CCDC88C: variants seen among roughly 807,000 people sequenced by gnomAD.
CCDC88C encodes the protein coiled-coil and HOOK domain protein 88C, also known as protein Daple.
CCDC88C carries 131 observed loss-of-function variants against 198.8 expected under a neutral mutation model. The observed-to-expected ratio is 0.66, with a 90% CI of 0.57 to 0.76. The LOEUF is 0.76. CCDC88C is among the 30% of genes least tolerant of loss of function. The pLI is 0.00. For missense variants in CCDC88C, 2,553 were observed against 2,631.6 expected, an observed-to-expected ratio of 0.97 and a Z score of 0.65; for synonymous variants, 1,166 against 1,114.7, an observed-to-expected ratio of 1.05 and a Z score of -0.92.
intron 4 of CCDC88C, among the ~76,000 whole-genome samples, chr14:91,353,389 C>T (rs746716139): frequency 8.5e-5 from 13 of 152,214 alleles, no homozygotes; most frequent in Non-Finnish European, 1.8e-4. Context: ...ATCTTCTGTC[C>T]TAGAATAAAT....
intron 3 of CCDC88C, among the ~76,000 whole-genome samples, chr14:91,404,697 C>T (rs963817685): frequency 6.6e-6 from 1 of 152,196 alleles, no homozygotes; most frequent in Non-Finnish European, 1.5e-5. Flanking sequence ...GGCGCGGTGG[C>T]TCACGCCTGT....
Position 91,315,659 on chromosome 14 carries a change from T to C in CCDC88C, c.1656A>G (p.Lys552=). ...TGGTGGAGGCACCTACCTGCCTGGCTTTGTCAGCCTTCAGGGTCTCCATGT... is the reference window on the plus strand; with the variant it reads ...TGGTGGAGGCACCTACCTGCCTGGCCTTGTCAGCCTTCAGGGTCTCCATGT... ...QSDMETLKAD[K]ARQIKDLEQE... The change falls in exon 14 of 30, where the codon AAA becomes AAG. Residue 552 remains lysine (K), a synonymous_variant. Transcript: ENST00000389857. 1 of 1,613,918 alleles carries C rather than the reference T, an allele frequency of 6.2e-7. No homozygotes were observed. The highest frequency in any genetic ancestry group is 8.5e-7 in the Non-Finnish European group (1 of 1,179,874).
chr14:91,408,782 A>T lies in CCDC88C; in HGVS notation c.162-15T>A. 2 of 1,569,964 alleles carry T rather than the reference A, an allele frequency of 1.3e-6. No homozygotes were observed. The highest frequency in any genetic ancestry group is 1.8e-6 in the Non-Finnish European group (2 of 1,140,220). On this transcript the variant is annotated splice_polypyrimidine_tract_variant and intron_variant, in intron 2 of 29. Transcript: ENST00000389857. ...GCCTGGGATCTCTAGGGGAAGAAACACGAGAATGGAAATTGCATCTCCCAG... is the reference window on the plus strand; with the variant it reads ...GCCTGGGATCTCTAGGGGAAGAAACTCGAGAATGGAAATTGCATCTCCCAG...
In CCDC88C at chr14:91,325,822, G is replaced by A; in HGVS notation, c.1197+88C>T. ...GCGCTCAAGGGATCCTCCCACCTTA[G>A]CCTCCCAAAGTGCTGGGATTACAGG... is the stretch of plus-strand genomic sequence containing the variant. On this transcript the variant is annotated intron_variant, in intron 11 of 29. Transcript: ENST00000389857. This position sits in a 1 kb window ranked among gnomAD's most constrained non-coding sequence, Gnocchi z 4.1. 1 of 1,339,408 alleles carries A rather than the reference G, an allele frequency of 7.5e-7. No individual in the cohort carries two copies. The allele number at this position is 1,339,408 out of a possible 1,614,324, so 83.0% of individuals were successfully genotyped here.
intron 29 of CCDC88C, among the ~76,000 whole-genome samples, chr14:91,275,818 C>CTT (rs34204634): frequency 0.37 from 30,472 of 82,238 alleles, 7,572 homozygotes; most frequent in South Asian, 0.42. Context: ...ACCAGTGGTT[C>CTT]TTTTTTTTTT....
At chr14:91,319,655 T>C (rs1282001411) in intron 13 of CCDC88C, among the ~76,000 whole-genome samples, 1 of 152,222 alleles carries the variant, frequency 6.6e-6, no homozygotes, top group African/African-American at 2.4e-5. Context: ...CTGCTCTCTT[T>C]TTATTGAGTG....
At chr14:91,344,037 T>A (rs1255640583) in intron 4 of CCDC88C, among the ~76,000 whole-genome samples, 1 of 152,068 alleles carries the variant, frequency 6.6e-6, no homozygotes, top group Non-Finnish European at 1.5e-5. Context: ...CCTAGGCTGG[T>A]CTCAAACTCC....
intron 4 of CCDC88C, among the ~76,000 whole-genome samples, chr14:91,347,476 C>T (rs188281663): frequency 6.6e-6 from 1 of 152,192 alleles, no homozygotes; most frequent in African/African-American, 2.4e-5. Context: ...TGAACTCAAA[C>T]AAATTTACAA....
chr14:91,285,958 C>T (rs1328749682), intron 25 of CCDC88C: 7 of 497,856 alleles, frequency 1.4e-5, no homozygotes, highest in Admixed American at 6.9e-5. Context: ...ATCAGAATCC[C>T]GTCTTGCCCA....
rs1342243300 is a variant in CCDC88C, at chr14:91,325,826, C to T, written c.1197+84G>A. The stretch of plus-strand genomic sequence containing the variant: ...TCAAGGGATCCTCCCACCTTAGCCT[C>T]CCAAAGTGCTGGGATTACAGGCATG... On this transcript the variant is annotated intron_variant, in intron 11 of 29. Transcript: ENST00000389857. This position sits in a 1 kb window ranked among gnomAD's most constrained non-coding sequence, Gnocchi z 4.1. 7.2e-6 allele frequency: 10 copies of T among 1,398,254 alleles called. No homozygotes were observed. Among genetic ancestry groups the T allele is most frequent in the Non-Finnish European group, 9.7e-6 (10 of 1,029,826 alleles). 86.6% of individuals were successfully genotyped at this position (1,398,254 alleles called of 1,614,324 possible).
At chr14:91,386,397 G>A (rs1226801704) in intron 3 of CCDC88C, among the ~76,000 whole-genome samples, 1 of 152,072 alleles carries the variant, frequency 6.6e-6, no homozygotes, top group East Asian at 1.9e-4. Flanking sequence ...GAAGGCAGAG[G>A]TTGCAGTGAG....
chr14:91,283,610 C>A, intron 25 of CCDC88C, 93 bp from the exon 26 acceptor site: 1 of 1,228,214 alleles, frequency 8.1e-7, no homozygotes. Context: ...GGCAGCAGGG[C>A]ATGAGGACCA....
At position 91,313,453 on chromosome 14, in the gene CCDC88C, T is replaced by C. The variant is rs1891934971; in HGVS notation, c.2363A>G (p.Glu788Gly). 3.1e-6 allele frequency: 5 copies of C among 1,607,700 alleles called. No homozygotes were observed. The Middle Eastern group carries it at 8.2e-4, about 265-fold the overall frequency. ...SSHKTQTLES[E>G]LGELEAERQA... Reference sequence around the variant, plus strand: ...GCGCTCAGCCTCCAGCTCGCCCAGCTCACTCTCCAAGGTCTGCGTCTTGTG... The same window carrying C: ...GCGCTCAGCCTCCAGCTCGCCCAGCCCACTCTCCAAGGTCTGCGTCTTGTG... The change falls in exon 15 of 30, where the codon GAG (glutamate) becomes GGG (glycine). Residue 788 changes from glutamate (E) to glycine (G), a missense_variant. Around this residue, in one of 2 missense-constraint regions of CCDC88C, gnomAD observed 1,260 missense variants for 1,412.0 expected, o/e 0.89. Transcript: ENST00000389857. This position sits in a 1 kb window ranked among gnomAD's most constrained non-coding sequence, Gnocchi z 5.2.
chr14:91,370,454 C>T (rs1373562778), intron 3 of CCDC88C, among the ~76,000 whole-genome samples: 1 of 152,226 alleles, frequency 6.6e-6, no homozygotes, highest in African/African-American at 2.4e-5. Flanking sequence ...CCCTTTAGGG[C>T]TGGGTGATGC....
At chr14:91,322,027 G>C (rs1368064028) in intron 12 of CCDC88C, among the ~76,000 whole-genome samples, 1 of 152,080 alleles carries the variant, frequency 6.6e-6, no homozygotes, top group Non-Finnish European at 1.5e-5. Context: ...ACAAGCAGGT[G>C]CATGATTTTA....
At chr14:91,362,506 C>T (rs1346367423) in intron 3 of CCDC88C, among the ~76,000 whole-genome samples, 1 of 152,232 alleles carries the variant, frequency 6.6e-6, no homozygotes, top group African/African-American at 2.4e-5. Flanking sequence ...GAATGTTAAT[C>T]TAAGCAAAAC....
At chr14:91,411,587 T>C (rs1451664651) in intron 2 of CCDC88C, among the ~76,000 whole-genome samples, 1 of 152,166 alleles carries the variant, frequency 6.6e-6, no homozygotes, top group African/African-American at 2.4e-5. Flanking sequence ...TGGTAGCTGG[T>C]CGGAACTTGG....
Position 91,273,422 on chromosome 14 carries a change from G to T in CCDC88C, c.5290C>A (p.Pro1764Thr), listed in dbSNP as rs756548842. The T allele has an allele frequency of 6.4e-7, 1 of 1,569,684 alleles. No homozygotes were observed. The highest frequency in any genetic ancestry group is 1.9e-5 in the Admixed American group (1 of 54,028). Residue 1764 changes from proline (P) to threonine (T), a missense_variant, in exon 30 of 30, where the codon CCC becomes ACC. Transcript: ENST00000389857. The surrounding 1 kb of genome is among the most constrained non-coding windows in gnomAD (Gnocchi z 5.6). Reference protein sequence around the residue: ...NFRLTEAEAPPSVAPRQAQPP... With the variant: ...NFRLTEAEAPTSVAPRQAQPP... The stretch of plus-strand genomic sequence containing the variant: ...TGGGCCTGTCTCGGGGCCACGCTGG[G>T]TGGGGCCTCGGCCTCAGTCAGTCTG...
Position 91,303,770 on chromosome 14 carries a change from A to T in CCDC88C, c.3566T>A (p.Ile1189Asn). Reference sequence around the variant, plus strand: ...TGTCTTTAGGCAGCTGTGCTGGCGGATGAGGGCCTCGTACTCGGCCGATTG... The same window carrying T: ...TGTCTTTAGGCAGCTGTGCTGGCGGTTGAGGGCCTCGTACTCGGCCGATTG... ...ERQSAEYEAL[I>N]RQHSCLKTLH... The change falls in exon 20 of 30, where the codon ATC becomes AAC. Residue 1189 changes from isoleucine to asparagine, a missense_variant. By Grantham distance (149) the Ile-to-Asn change is moderately radical. Transcript: ENST00000389857. 6.2e-7 allele frequency: 1 copy of T among 1,613,312 alleles called. No homozygotes were observed. Among genetic ancestry groups the T allele is most frequent in the Non-Finnish European group, 8.5e-7 (1 of 1,179,756 alleles).
Sources: allele counts gnomAD v4.1 joint callset (sites outside exome capture counted in the v4.1 genomes callset), GRCh38; gene constraint gnomAD v4.1.1; regional missense constraint gnomAD v4.1.1; non-coding constraint Gnocchi (gnomAD v3.1); transcripts MANE v1.5; gene names NCBI Gene and HGNC (gene_info 2026-07-23, HGNC 2026-07-21).